CREB3L2: variants seen among roughly 807,000 people sequenced by gnomAD.
CREB3L2 encodes the protein cyclic AMP-responsive element-binding protein 3-like protein 2.
In CREB3L2, 23 loss-of-function variants were observed where a neutral mutation model predicts 57.2. That is an observed-to-expected ratio of 0.40 (90% CI 0.29 to 0.57). The LOEUF is 0.57. Among genes scored for constraint, CREB3L2 ranks in the 20% least tolerant of loss-of-function variants. The pLI, the probability that CREB3L2 is intolerant of heterozygous loss-of-function variation, is 0.42. For missense variants in CREB3L2, 628 were observed against 634.7 expected, an observed-to-expected ratio of 0.99 and a Z score of 0.11; for synonymous variants, 268 against 265.1, an observed-to-expected ratio of 1.01 and a Z score of -0.11.
At chr7:137,899,579 T>C (rs77328161) in intron 8 of CREB3L2, among the ~76,000 whole-genome samples, 13,948 of 151,958 alleles carry the variant, frequency 0.092, 1,851 homozygotes, top group African/African-American at 0.29. Context: ...GAAGTGGAGA[T>C]AAAAACAGAG....
chr7:137,956,707 C>T (rs1801220114), intron 1 of CREB3L2: 3 of 1,143,398 alleles, frequency 2.6e-6, no homozygotes, highest in Non-Finnish European at 3.5e-6. Context: ...ACTTGAATTT[C>T]ACAATCCAGG....
At chr7:137,892,952 A>C (rs1799553192) in intron 8 of CREB3L2, among the ~76,000 whole-genome samples, 1 of 152,196 alleles carries the variant, frequency 6.6e-6, no homozygotes, top group Non-Finnish European at 1.5e-5. Context: ...TTAAATACTA[A>C]AGTGTGTCAT....
rs540649236 is a variant in CREB3L2, at chr7:137,962,051, C to T, written c.103-33685G>A. ...CGCCTGCTCTGCTCTTCCCCATCTG[C>T]GACCCCACCGAAGTCAGGACCAATG... On this transcript the variant is annotated intron_variant, in intron 1 of 11. Transcript: ENST00000330387. 2.0e-5 allele frequency among the ~76,000 whole-genome samples: 3 copies of T among 152,222 alleles called. No homozygotes were observed. The South Asian group carries it at 6.2e-4, about 32-fold the overall frequency.
At chr7:137,986,028 C>T (rs28496700) in intron 1 of CREB3L2, among the ~76,000 whole-genome samples, 2,436 of 152,232 alleles carry the variant, frequency 0.016, 63 homozygotes, top group African/African-American at 0.055. Flanking sequence ...AGAAAGGAAC[C>T]GAATATCCCC....
At chr7:137,905,617 C>A in intron 6 of CREB3L2, 85 bp downstream of exon 6, 1 of 1,441,040 alleles carries the variant, frequency 6.9e-7, no homozygotes. Flanking sequence ...TGGGGTAGTG[C>A]TGGCCGTTGG....
intron 1 of CREB3L2, among the ~76,000 whole-genome samples, chr7:137,979,650 C>T (rs990185444): frequency 1.2e-4 from 18 of 152,202 alleles, no homozygotes; most frequent in African/African-American, 3.9e-4. Flanking sequence ...GGCGTGAACC[C>T]GAGAGGCGGA....
At chr7:137,998,473 C>T (rs979423224) in intron 1 of CREB3L2, among the ~76,000 whole-genome samples, 2 of 152,204 alleles carry the variant, frequency 1.3e-5, no homozygotes, top group African/African-American at 4.8e-5. Context: ...TCTCTCCCAA[C>T]CTCTTATTCA....
intron 1 of CREB3L2, among the ~76,000 whole-genome samples, chr7:137,979,293 T>C (rs1801670143): frequency 6.6e-6 from 1 of 152,184 alleles, no homozygotes; most frequent in South Asian, 2.1e-4. Context: ...TTTAGCCTGA[T>C]TTTCCTGTTC....
intron 4 of CREB3L2, among the ~76,000 whole-genome samples, chr7:137,908,680 C>T (rs760207237): frequency 1.3e-5 from 2 of 152,012 alleles, no homozygotes; most frequent in African/African-American, 4.8e-5. Flanking sequence ...AACCAATAAA[C>T]GTGCGACCAG....
At chr7:137,928,059 CA>C (rs1299675596) in intron 2 of CREB3L2, 90 bp downstream of exon 2, 1 of 996,674 alleles carries the variant, frequency 1.0e-6, no homozygotes, top group Admixed American at 2.3e-5. Flanking sequence ...AGGGTGCTGA[CA>C]CCCTCTTTAA....
At chr7:137,982,554 CA>C (rs1476278262) in intron 1 of CREB3L2, among the ~76,000 whole-genome samples, 2 of 152,200 alleles carry the variant, frequency 1.3e-5, no homozygotes, top group Non-Finnish European at 2.9e-5. Flanking sequence ...ATAAGTCTCA[CA>C]AGATCTGATG....
Position 137,882,562 on chromosome 7 carries a change from G to C in CREB3L2, c.1337C>G (p.Ser446Trp). 2 of 1,613,530 alleles carry C rather than the reference G, an allele frequency of 1.2e-6. No individual in the cohort carries two copies. Among genetic ancestry groups the C allele is most frequent in the Non-Finnish European group, 1.7e-6 (2 of 1,179,596 alleles). ...ATCCCAGCCCCCCAGCTCCCCAGCC[G>C]AGCCCGGGCTGGATGACTCCTCTGG... ...SPPEESSSPG[S>W]AGELGGWDRG... The change falls in exon 11 of 12, where the codon TCG becomes TGG. Residue 446 changes from serine to tryptophan, a missense_variant. Transcript: ENST00000330387.
rs372830087 is a variant in CREB3L2 at position 137,991,049 on chromosome 7, A to G, written c.102+10555T>C. Among the ~76,000 whole-genome samples the G allele has an allele frequency of 1.1e-3, 172 of 152,340 alleles. 2 individuals carry two copies. The highest frequency in any genetic ancestry group is 4.0e-3 in the African/African-American group (165 of 41,572). ...TAAACAAAGTTTTAAGTCAGAAAAC[A>G]GAGACTACAAAACGCAAAACTACAC... On this transcript the variant is annotated intron_variant, in intron 1 of 11. Transcript: ENST00000330387.
chr7:137,885,718 A>G (rs1477170638), intron 8 of CREB3L2, among the ~76,000 whole-genome samples: 1 of 152,186 alleles, frequency 6.6e-6, no homozygotes, highest in Admixed American at 6.5e-5. Context: ...TCACACTTGA[A>G]AGTCCTGTTC....
At chr7:137,983,497 T>C (rs1801743303) in intron 1 of CREB3L2, among the ~76,000 whole-genome samples, 1 of 152,328 alleles carries the variant, frequency 6.6e-6, no homozygotes, top group African/African-American at 2.4e-5. Context: ...CACTGTTGAC[T>C]CAGGCTGTTC....
intron 1 of CREB3L2, among the ~76,000 whole-genome samples, chr7:137,936,855 T>C (rs541755481): frequency 2.0e-5 from 3 of 152,294 alleles, no homozygotes; most frequent in Admixed American, 6.5e-5. Context: ...GCAGGCAACA[T>C]AAAATGGAGC....
intron 1 of CREB3L2, among the ~76,000 whole-genome samples, chr7:137,984,055 G>A (rs2117318526): frequency 6.6e-6 from 1 of 152,316 alleles, no homozygotes; most frequent in African/African-American, 2.4e-5. Context: ...GAGGTTTTTG[G>A]CTGAACAGAA....
At chr7:137,981,859 T>C (rs952388854) in intron 1 of CREB3L2, among the ~76,000 whole-genome samples, 1 of 152,188 alleles carries the variant, frequency 6.6e-6, no homozygotes, top group African/African-American at 2.4e-5. Flanking sequence ...GTAAAAGAAG[T>C]CAACAAAGGG....
chr7:137,901,472 A>T, intron 7 of CREB3L2, 50 bp from the exon 8 acceptor site: 1 of 1,232,870 alleles, frequency 8.1e-7, no homozygotes, highest in Non-Finnish European at 1.2e-6. Flanking sequence ...AGCAAACACT[A>T]AGCTAGGAGC....
Sources: allele counts gnomAD v4.1 joint callset (sites outside exome capture counted in the v4.1 genomes callset), GRCh38; gene constraint gnomAD v4.1.1; transcripts MANE v1.5; gene names NCBI Gene and HGNC (gene_info 2026-07-23, HGNC 2026-07-21).